The following IGFL2 variants were observed in gnomAD, a reference collection of about 807,000 sequenced individuals.
The protein encoded by IGFL2 is insulin growth factor-like family member 2.
In IGFL2, 7 loss-of-function variants were observed where a neutral mutation model predicts 13.9. The observed-to-expected ratio is 0.51, with a 90% CI of 0.29 to 0.95. IGFL2 has a LOEUF of 0.95. Ranked by LOEUF, IGFL2 falls within the 40% of genes least tolerant of loss-of-function variation. The pLI is 0.08. For synonymous variants in IGFL2, 55 were observed against 55.8 expected, an observed-to-expected ratio of 0.99 and a Z score of 0.07; for missense variants, 138 against 147.8, an observed-to-expected ratio of 0.93 and a Z score of 0.34.
the IGFL2 span, among the ~76,000 whole-genome samples, chr19:46,205,432 C>A: frequency 6.6e-6 from 1 of 152,160 alleles, no homozygotes; most frequent in Admixed American, 6.5e-5. Context: ...AGTGGAAAGT[C>A]CATTTGCATA....
chr19:46,206,030 C>A, the IGFL2 span, among the ~76,000 whole-genome samples: 1 of 152,270 alleles, frequency 6.6e-6, no homozygotes, highest in East Asian at 1.9e-4. Flanking sequence ...ATAAACAGGG[C>A]TACTAGAAAA....
downstream of IGFL2, among the ~76,000 whole-genome samples, chr19:46,164,954 A>G (rs1317256720): frequency 6.6e-6 from 1 of 152,148 alleles, no homozygotes. Context: ...GTCATTATAG[A>G]TATGGTGTAG....
the IGFL2 span, among the ~76,000 whole-genome samples, chr19:46,080,481 A>G: frequency 6.6e-6 from 1 of 152,240 alleles, no homozygotes; most frequent in Non-Finnish European, 1.5e-5. Context: ...TGGCTTGTTC[A>G]TGGGAATGAT....
the IGFL2 span, among the ~76,000 whole-genome samples, chr19:46,094,265 G>T: frequency 9.9e-5 from 15 of 151,946 alleles, no homozygotes; most frequent in African/African-American, 3.6e-4. Context: ...GGAATATCCA[G>T]AAATAGACCC....
chr19:46,154,858 C>G (rs775883537), intron 1 of IGFL2, among the ~76,000 whole-genome samples: 14 of 152,126 alleles, frequency 9.2e-5, no homozygotes, highest in Non-Finnish European at 1.9e-4. Flanking sequence ...ATGAACTTCT[C>G]CACACTCTTT....
At chr19:46,171,995 G>A in the IGFL2 span, among the ~76,000 whole-genome samples, 1 of 152,166 alleles carries the variant, frequency 6.6e-6, no homozygotes, top group Non-Finnish European at 1.5e-5. Flanking sequence ...TATGTGTGAT[G>A]AAGATTAATG....
At chr19:46,165,497 C>T (rs1384611200), downstream of IGFL2, among the ~76,000 whole-genome samples, 1 of 152,224 alleles carries the variant, frequency 6.6e-6, no homozygotes, top group African/African-American at 2.4e-5. Context: ...AGCATGCATG[C>T]TTGCACAGAG....
the IGFL2 span, among the ~76,000 whole-genome samples, chr19:46,118,979 A>G: frequency 6.6e-6 from 1 of 151,998 alleles, no homozygotes; most frequent in African/African-American, 2.4e-5. Flanking sequence ...ACTCCCTTAT[A>G]CATACTCAAG....
the IGFL2 span, among the ~76,000 whole-genome samples, chr19:46,107,466 G>A: frequency 1.3e-5 from 2 of 152,242 alleles, no homozygotes; most frequent in African/African-American, 4.8e-5. Flanking sequence ...ATCCCAGGCT[G>A]TGGGCATTCG....
At chr19:46,130,551 A>T in the IGFL2 span, among the ~76,000 whole-genome samples, 1 of 152,146 alleles carries the variant, frequency 6.6e-6, no homozygotes, top group Non-Finnish European at 1.5e-5. Context: ...ATGTTTATAA[A>T]CTGGTTACTT....
intron 1 of IGFL2, among the ~76,000 whole-genome samples, chr19:46,150,836 A>ATT: frequency 6.6e-6 from 1 of 151,954 alleles, no homozygotes; most frequent in Admixed American, 6.6e-5. Flanking sequence ...CACCATGCTA[A>ATT]TTTTGTTTTT....
At chr19:46,195,831 A>G in the IGFL2 span, 1 of 152,118 alleles carries the variant, frequency 6.6e-6, no homozygotes, top group Non-Finnish European at 1.5e-5. Flanking sequence ...CCTTGCACTG[A>G]TTCACATCTA....
the IGFL2 span, among the ~76,000 whole-genome samples, chr19:46,097,229 C>G: frequency 6.6e-6 from 1 of 152,164 alleles, no homozygotes; most frequent in Admixed American, 6.5e-5. Flanking sequence ...TGACTTCTTC[C>G]TGGTTTAGTG....
the IGFL2 span, among the ~76,000 whole-genome samples, chr19:46,174,515 T>C: frequency 1.5e-3 from 233 of 152,322 alleles, 1 homozygote; most frequent in African/African-American, 5.0e-3. Context: ...GCTGAAAGTT[T>C]CCCAATCATG....
the IGFL2 span, among the ~76,000 whole-genome samples, chr19:46,089,381 T>C: frequency 0.013 from 2,047 of 152,342 alleles, 31 homozygotes; most frequent in Middle Eastern, 0.027. Flanking sequence ...TAAACCTTCA[T>C]GTGAAATACA....
At chr19:46,124,089 G>T in the IGFL2 span, 1 of 1,611,488 alleles carries the variant, frequency 6.2e-7, no homozygotes. Flanking sequence ...GCTCTGAAGG[G>T]TTGTAGATCT....
chr19:46,132,362 A>G, the IGFL2 span, among the ~76,000 whole-genome samples: 1 of 152,212 alleles, frequency 6.6e-6, no homozygotes, highest in African/African-American at 2.4e-5. Flanking sequence ...AGTGGGTTGC[A>G]TGGGAAAATA....
chr19:46,149,821 A>G (rs2146839198), intron 1 of IGFL2, among the ~76,000 whole-genome samples: 1 of 152,312 alleles, frequency 6.6e-6, no homozygotes, highest in Non-Finnish European at 1.5e-5. Context: ...GCTATTGTGA[A>G]TAGTGCTGTT....
chr19:46,115,405 G>A, the IGFL2 span, among the ~76,000 whole-genome samples: 2 of 152,148 alleles, frequency 1.3e-5, no homozygotes, highest in Non-Finnish European at 2.9e-5. Flanking sequence ...AAATAAGGCG[G>A]CGTCAGTAGA....
Sources: gnomAD v4.1 joint callset for allele counts (sites outside exome capture counted in the v4.1 genomes callset) on GRCh38, gnomAD v4.1.1 for gene constraint, MANE v1.5 for transcripts, NCBI Gene and HGNC (gene_info 2026-07-23, HGNC 2026-07-21) for gene names.